Variants in NEB observed in about 807,000 individuals in gnomAD.
NEB encodes the protein nebulin.
Under a neutral mutation model 952.2 loss-of-function variants are expected in NEB, and 512 were observed. That is an observed-to-expected ratio of 0.54 (90% CI 0.50 to 0.58). The LOEUF is 0.58. Ranked by LOEUF, NEB falls within the 20% of genes least tolerant of loss-of-function variation. The pLI, the probability that NEB is intolerant of heterozygous loss-of-function variation, is 0.00. For missense variants in NEB, 8,428 were observed against 9,231.1 expected (o/e 0.91, Z 3.56); for synonymous variants, 2,900 against 3,149.8 (o/e 0.92, Z 2.66).
chr2:151,501,592 T>C, intron 167 of NEB, 109 bp from the exon 168 acceptor site: 1 of 529,662 alleles, frequency 1.9e-6, no homozygotes, highest in South Asian at 5.1e-5. Flanking sequence ...GTTTTTATGA[T>C]GAAGTACCTC....
chr2:151,572,262 C>T (rs977297543), intron 107 of NEB, among the ~76,000 whole-genome samples: 2 of 152,028 alleles, frequency 1.3e-5, no homozygotes, highest in African/African-American at 4.8e-5. Context: ...GCAGAAGTTT[C>T]AGCAAGCTGA....
At chr2:151,616,351 G>A (rs2098193892) in intron 75 of NEB, among the ~76,000 whole-genome samples, 1 of 152,004 alleles carries the variant, frequency 6.6e-6, no homozygotes, top group Admixed American at 6.6e-5. Flanking sequence ...ATCAACATTT[G>A]GTTGGCAAAA....
At chr2:151,498,761 T>C (rs1000357599) in intron 169 of NEB, among the ~76,000 whole-genome samples, 2 of 152,140 alleles carry the variant, frequency 1.3e-5, no homozygotes, top group Non-Finnish European at 2.9e-5. Flanking sequence ...ACATTGTGTA[T>C]ATGGAGACAC....
intron 169 of NEB, among the ~76,000 whole-genome samples, chr2:151,498,558 A>AAAT (rs1160787375): frequency 7.9e-5 from 12 of 152,220 alleles, no homozygotes; most frequent in African/African-American, 2.9e-4. Flanking sequence ...AAAAACTAAG[A>AAAT]AATAGGAAAA....
intron 162 of NEB, chr2:151,507,683 T>C (rs1392937880): frequency 7.5e-6 from 2 of 267,834 alleles, no homozygotes; most frequent in Non-Finnish European, 1.4e-5. Flanking sequence ...GAAGCTTTTA[T>C]TGAATAAATT....
Position 151,697,190 on chromosome 2 carries a change from A to G in NEB, c.1428T>C (p.Thr476=), listed in dbSNP as rs1265121813. 6.2e-7 allele frequency: 1 copy of G among 1,613,564 alleles called. No individual in the cohort carries two copies. Among genetic ancestry groups the G allele is most frequent in the Admixed American group, 1.7e-5 (1 of 60,008 alleles). ...GTTTCTTAATTGCTTCATATTCTTG[A>G]GTTATGGTCTGAGGGAAGAAGCCTT... ...RGKGFFPQTI[T]QEYEAIKKLD... Residue 476 remains threonine, a synonymous_variant, in exon 16 of 182, where the codon ACT becomes ACC. Coordinates refer to ENST00000397345, the MANE Select transcript of NEB (RefSeq NM_001164508.2).
chr2:151,570,328 T>A lies in NEB; in HGVS notation c.17183A>T (p.Asp5728Val), dbSNP rs756098317. The change falls in exon 109 of 182, where the codon GAT (aspartate) becomes GTT (valine). Residue 5728 changes from aspartate to valine, a missense_variant. This residue lies in a region of NEB where 3,374 missense variants were observed against 3,651.5 expected (regional missense o/e 0.92). Transcript: ENST00000397345. ...GAGGGCCCAGCGGATCTTGTTGTCA[T>A]CCCTGGCTGTGAGGGTGCCCACGTA... ...GHYVGTLTAR[D>V]DNKIRWALIA... 3.6e-5 allele frequency: 58 copies of A among 1,606,558 alleles called. No individual in the cohort carries two copies. The highest frequency in any genetic ancestry group is 4.9e-5 in the Non-Finnish European group (57 of 1,174,708).
At chr2:151,512,182 C>T (rs994476516) in intron 161 of NEB, among the ~76,000 whole-genome samples, 5 of 151,904 alleles carry the variant, frequency 3.3e-5, no homozygotes, top group Admixed American at 3.3e-4. Flanking sequence ...AGGTGCCTGC[C>T]ACCACGCCCG....
rs771686836 is a variant in NEB at position 151,627,514 on chromosome 2, A to G, written c.10143+9T>C. ...ATGAGCACAGTTACCATGGATCTTAATTACTCACATCGCTCTGGAGGTCAT... is the reference window on the plus strand; with the variant it reads ...ATGAGCACAGTTACCATGGATCTTAGTTACTCACATCGCTCTGGAGGTCAT... On this transcript the variant is annotated intron_variant, in intron 69 of 181. Transcript: ENST00000397345. 2 of 1,612,658 alleles carry G rather than the reference A, an allele frequency of 1.2e-6. No homozygotes were observed. The highest frequency in any genetic ancestry group is 3.3e-5 in the Admixed American group (2 of 59,972).
chr2:151,663,477 T>G, intron 45 of NEB, 71 bp downstream of exon 45: 1 of 1,422,586 alleles, frequency 7.0e-7, no homozygotes, highest in Non-Finnish European at 9.5e-7. Flanking sequence ...TTTCAAAACG[T>G]CATTGCTTAT....
chr2:151,540,536 A>C (rs2093903425), intron 137 of NEB, 88 bp from the exon 138 acceptor site: 1 of 1,148,198 alleles, frequency 8.7e-7, no homozygotes, highest in South Asian at 1.4e-5. Flanking sequence ...GGAGGGGCAC[A>C]ATGTGTTACA....
chr2:151,494,788 A>G lies in NEB; in HGVS notation c.24487-535T>C, dbSNP rs572013399. 9.3e-4 allele frequency among the ~76,000 whole-genome samples: 141 copies of G among 152,292 alleles called. 1 individual carries two copies. The Middle Eastern group carries it at 0.048, about 51-fold the overall frequency. The stretch of plus-strand genomic sequence containing the variant: ...CTCAGCCTCCTGAGTAGCTGGGATT[A>G]CAGGCGTGCACCACCATGCCCGGCT... On this transcript the variant is annotated intron_variant, in intron 173 of 181. Transcript: ENST00000397345.
chr2:151,614,073 C>T (rs1383707794), intron 77 of NEB, among the ~76,000 whole-genome samples: 6 of 152,164 alleles, frequency 3.9e-5, no homozygotes, highest in Non-Finnish European at 8.8e-5. Context: ...AAGCACATTA[C>T]AGGTTTGGTT....
Position 151,687,743 on chromosome 2 carries a change from A to T in NEB, c.2416-10T>A. On this transcript the variant is annotated splice_polypyrimidine_tract_variant and intron_variant, in intron 25 of 181. Coordinates refer to ENST00000397345, the MANE Select transcript of NEB (RefSeq NM_001164508.2). Reference sequence around the variant, plus strand: ...CTTGCTTATAAACATTCTGGACAAGAAAAATTCAGCAAAGGAATGATAAGA... The same window carrying T: ...CTTGCTTATAAACATTCTGGACAAGTAAAATTCAGCAAAGGAATGATAAGA... 6.4e-7 allele frequency: 1 copy of T among 1,566,880 alleles called. No homozygotes were observed. The highest frequency in any genetic ancestry group is 1.2e-5 in the South Asian group (1 of 85,844).
At chr2:151,704,441 G>A (rs1445707150) in intron 13 of NEB, among the ~76,000 whole-genome samples, 30 of 148,714 alleles carry the variant, frequency 2.0e-4, no homozygotes, top group South Asian at 1.8e-3. Flanking sequence ...GGGCAATGGC[G>A]GGCGCCCCTC....
intron 148 of NEB, 132 bp downstream of exon 148, chr2:151,526,786 A>G (rs80293781): frequency 0.02 from 14,239 of 697,018 alleles, 206 homozygotes; most frequent in African/African-American, 0.042. Context: ...AGGACAGGCC[A>G]TAATTCAGGA....
intron 135 of NEB, among the ~76,000 whole-genome samples, chr2:151,543,900 G>A (rs1453893183): frequency 6.6e-6 from 1 of 152,214 alleles, no homozygotes; most frequent in Non-Finnish European, 1.5e-5. Flanking sequence ...TACTACAAAT[G>A]TGTATATGTC....
chr2:151,540,887 C>G, intron 136 of NEB, 86 bp from the exon 137 acceptor site: 2 of 1,152,162 alleles, frequency 1.7e-6, no homozygotes, highest in Non-Finnish European at 2.6e-6. Flanking sequence ...TCTAACCATT[C>G]AGTGGGAAGG....
intron 168 of NEB, chr2:151,499,638 G>A: frequency 6.6e-6 from 2 of 302,012 alleles, no homozygotes; most frequent in South Asian, 4.4e-5. Flanking sequence ...CCTGTGCCAG[G>A]AATTAAGGAA....
Sources: allele counts gnomAD v4.1 joint callset (sites outside exome capture counted in the v4.1 genomes callset), GRCh38; gene constraint gnomAD v4.1.1; regional missense constraint gnomAD v4.1.1; transcripts MANE v1.5; gene names NCBI Gene and HGNC (gene_info 2026-07-23, HGNC 2026-07-21).